Variants in CUX1 observed in about 807,000 individuals in gnomAD.
CUX1 encodes the protein protein CASP.
Under a neutral mutation model 158.8 loss-of-function variants are expected in CUX1, and 31 were observed. The observed-to-expected ratio is 0.20, with a 90% confidence interval of 0.15 to 0.26. The LOEUF is 0.26. Among genes scored for constraint, CUX1 ranks in the 10% least tolerant of loss-of-function variants. The pLI is 1.00. For missense variants in CUX1, 1,589 were observed against 2,014.6 expected, an observed-to-expected ratio of 0.79 and a Z score of 4.04; for synonymous variants, 879 against 862.1, an observed-to-expected ratio of 1.02 and a Z score of -0.34.
intron 3 of CUX1, among the ~76,000 whole-genome samples, chr7:102,030,691 G>GTTTTTTTTTTTTTTTTTT (rs71119801): frequency 5.0e-5 from 6 of 119,384 alleles, no homozygotes; most frequent in Non-Finnish European, 6.8e-5. Context: ...TTTAAAAAGT[G>GTTTTTTTTTTTTTTTTTT]TTTTTTTTTT....
At chr7:102,127,208 C>T (rs782192846) in intron 8 of CUX1, among the ~76,000 whole-genome samples, 1 of 152,066 alleles carries the variant, frequency 6.6e-6, no homozygotes, top group East Asian at 1.9e-4. Context: ...TTTCTTTTTT[C>T]TTTTTTTTCT....
intron 2 of CUX1, among the ~76,000 whole-genome samples, chr7:101,985,736 C>T (rs1814214906): frequency 6.6e-6 from 1 of 152,208 alleles, no homozygotes; most frequent in African/African-American, 2.4e-5. Context: ...ATCCCTCTAA[C>T]ACAACACTGA....
Position 102,189,798 on chromosome 7 carries a change from C to A in CUX1, c.1018-15C>A, listed in dbSNP as rs1414378471. On this transcript the variant is annotated splice_polypyrimidine_tract_variant and intron_variant, in intron 11 of 23. Coordinates refer to ENST00000292535, the MANE Select transcript of CUX1 (RefSeq NM_181552.4). ...GTCAGGCATGGCCACTGATCAAATT[C>A]TTCTCTGTTTTCAGCAACTGGAAGA... 2.5e-6 allele frequency: 4 copies of A among 1,614,032 alleles called. No homozygotes were observed. The highest frequency in any genetic ancestry group is 1.7e-6 in the Non-Finnish European group (2 of 1,179,966).
rs560532924 is a variant in CUX1, at chr7:101,995,767, C to T, written c.142-32331C>T. Among the ~76,000 whole-genome samples the T allele has an allele frequency of 2.0e-5, 3 of 152,258 alleles. No individual in the cohort carries two copies. The East Asian group carries it at 5.8e-4, about 29-fold the overall frequency. On this transcript the variant is annotated intron_variant, in intron 2 of 23. Transcript: ENST00000292535. ...GAGAGTTGTGTGTATGGGGACTTAG[C>T]AGAGTGGGAAGCAGCTTGCAGGAAG...
chr7:102,018,265 G>C (rs975931475), intron 2 of CUX1, among the ~76,000 whole-genome samples: 1 of 152,190 alleles, frequency 6.6e-6, no homozygotes, highest in Non-Finnish European at 1.5e-5. Flanking sequence ...CCAGTCAGAG[G>C]TTTCGACATG....
intron 15 of CUX1, among the ~76,000 whole-genome samples, chr7:102,198,143 C>T (rs1489488676): frequency 1.3e-5 from 2 of 152,030 alleles, no homozygotes; most frequent in Admixed American, 6.6e-5. Flanking sequence ...ACCTGTGGTC[C>T]CAGCTACTTG....
chr7:102,031,113 A>T (rs904855489), intron 3 of CUX1, among the ~76,000 whole-genome samples: 1 of 152,004 alleles, frequency 6.6e-6, no homozygotes, highest in Non-Finnish European at 1.5e-5. Context: ...GGCTGGGATG[A>T]AGTGGCACAA....
intron 3 of CUX1, among the ~76,000 whole-genome samples, chr7:102,040,621 A>T (rs1299942889): frequency 6.6e-6 from 1 of 152,244 alleles, no homozygotes; most frequent in Admixed American, 6.5e-5. Context: ...GCAGTCTATG[A>T]ATGAGTTAAA....
chr7:101,851,806 C>G (rs1274403497), intron 1 of CUX1, among the ~76,000 whole-genome samples: 1 of 149,356 alleles, frequency 6.7e-6, no homozygotes, highest in Non-Finnish European at 1.5e-5. Flanking sequence ...ATTTTTCTTA[C>G]TTTTCATTTG....
intron 21 of CUX1, among the ~76,000 whole-genome samples, chr7:102,227,938 GTC>G (rs1452900710): frequency 4.1e-5 from 6 of 146,484 alleles, no homozygotes; most frequent in Non-Finnish European, 8.9e-5. Context: ...CACACAGACT[GTC>G]TCTTTTTTTT....
chr7:102,121,115 C>G (rs1554493317), intron 8 of CUX1, among the ~76,000 whole-genome samples: 1 of 152,102 alleles, frequency 6.6e-6, no homozygotes, highest in Non-Finnish European at 1.5e-5. Flanking sequence ...ACCAGCAGTT[C>G]AAGACACAAG....
At chr7:101,896,983 C>T (rs1261314766) in intron 1 of CUX1, among the ~76,000 whole-genome samples, 1 of 152,170 alleles carries the variant, frequency 6.6e-6, no homozygotes, top group Non-Finnish European at 1.5e-5. Context: ...TCAGCAGTGG[C>T]CCCCCTGAGC....
intron 1 of CUX1, among the ~76,000 whole-genome samples, chr7:101,868,339 T>C (rs1798137378): frequency 1.3e-5 from 2 of 152,242 alleles, no homozygotes; most frequent in South Asian, 4.1e-4. Flanking sequence ...TGTCCTTTGC[T>C]GTCCCTGGCT....
intron 8 of CUX1, among the ~76,000 whole-genome samples, chr7:102,153,175 G>A (rs1416203665): frequency 2.0e-5 from 3 of 152,196 alleles, no homozygotes; most frequent in Admixed American, 6.5e-5. Flanking sequence ...TGCTATCTGA[G>A]AAGAAATCCA....
At chr7:101,996,495 T>G (rs1280302857) in intron 2 of CUX1, among the ~76,000 whole-genome samples, 1 of 152,028 alleles carries the variant, frequency 6.6e-6, no homozygotes, top group African/African-American at 2.4e-5. Context: ...CATGTGACCA[T>G]GGAGGGGGCC....
intron 1 of CUX1, among the ~76,000 whole-genome samples, chr7:101,897,723 C>G (rs1801671838): frequency 6.6e-6 from 1 of 152,064 alleles, no homozygotes; most frequent in Non-Finnish European, 1.5e-5. Flanking sequence ...ATATTATCAT[C>G]CCCAAATCTT....
chr7:102,193,797 G>T, intron 12 of CUX1, 45 bp from the exon 13 acceptor site: 1 of 1,594,754 alleles, frequency 6.3e-7, no homozygotes, highest in Middle Eastern at 1.7e-4. Context: ...ACGAGACTCT[G>T]TCTCAAAAAA....
chr7:102,197,021 G>A lies in CUX1; in HGVS notation c.1610G>A (p.Ser537Asn). The change falls in exon 15 of 24, where the codon AGC becomes AAC. Residue 537 changes from serine (S) to asparagine (N), a missense_variant. Coordinates refer to ENST00000292535, the MANE Select transcript of CUX1 (RefSeq NM_181552.4). Reference sequence around the variant, plus strand: ...GTCAATGGCATGGCCCCATCCCCCAGCCAGTCAGAAAGTGCTGGGAGCGTC... The same window carrying A: ...GTCAATGGCATGGCCCCATCCCCCAACCAGTCAGAAAGTGCTGGGAGCGTC... ...PDVNGMAPSP[S>N]QSESAGSVSE... 5.0e-6 allele frequency: 8 copies of A among 1,614,222 alleles called. No homozygotes were observed. The highest frequency in any genetic ancestry group is 2.7e-5 in the African/African-American group (2 of 75,064).
intron 2 of CUX1, among the ~76,000 whole-genome samples, chr7:101,979,121 G>T (rs1015261969): frequency 6.6e-6 from 1 of 152,236 alleles, no homozygotes; most frequent in African/African-American, 2.4e-5. Context: ...TGGGCAAGCA[G>T]TGCAGATGTA....
Sources: gnomAD v4.1 joint callset for allele counts (sites outside exome capture counted in the v4.1 genomes callset) on GRCh38, gnomAD v4.1.1 for gene constraint, MANE v1.5 for transcripts, NCBI Gene and HGNC (gene_info 2026-07-23, HGNC 2026-07-21) for gene names.